Variants in RIMBP2 observed in about 807,000 individuals in gnomAD.
RIMBP2 encodes RIMS binding protein 2, also known as RIMS-binding protein 2.
In RIMBP2, 48 loss-of-function variants were observed where a neutral mutation model predicts 118.6. The observed-to-expected ratio is 0.40, with a 90% CI of 0.32 to 0.51. The LOEUF is 0.51. Ranked by LOEUF, RIMBP2 falls within the 20% of genes least tolerant of loss-of-function variation. RIMBP2 has a pLI of 0.41. For missense variants in RIMBP2, 1,551 were observed against 1,768.3 expected (o/e 0.88, Z 2.20); for synonymous variants, 762 against 742.9 (o/e 1.03, Z -0.42).
chr12:130,403,700 CTTAGT>C (rs2074877015), intron 21 of RIMBP2, among the ~76,000 whole-genome samples: 2 of 152,036 alleles, frequency 1.3e-5, no homozygotes, highest in Non-Finnish European at 2.9e-5. Context: ...TTGAAATTTT[CTTAGT>C]TTATTTGGTA....
At chr12:130,639,371 A>G (rs1326228762) in intron 1 of RIMBP2, among the ~76,000 whole-genome samples, 1 of 127,188 alleles carries the variant, frequency 7.9e-6, no homozygotes, top group Non-Finnish European at 1.7e-5. Context: ...CCTGGGCAAT[A>G]AAACTCCATC....
intron 1 of RIMBP2, among the ~76,000 whole-genome samples, chr12:130,631,089 C>T (rs890154592): frequency 1.3e-5 from 2 of 152,084 alleles, no homozygotes; most frequent in Non-Finnish European, 2.9e-5. Context: ...AACAAGATTA[C>T]AAAGAGCTTT....
chr12:130,504,907 G>C (rs1421707363), intron 4 of RIMBP2, among the ~76,000 whole-genome samples: 61 of 152,336 alleles, frequency 4.0e-4, no homozygotes, highest in Admixed American at 4.0e-3. Context: ...ATATCCCCTG[G>C]AGGGCAAGTT....
At chr12:130,588,504 C>G (rs2059059344) in intron 2 of RIMBP2, among the ~76,000 whole-genome samples, 1 of 152,120 alleles carries the variant, frequency 6.6e-6, no homozygotes, top group African/African-American at 2.4e-5. Flanking sequence ...CCACCTTGTC[C>G]CGGTCACTGC....
intron 1 of RIMBP2, among the ~76,000 whole-genome samples, chr12:130,686,770 G>A (rs1395780283): frequency 1.3e-5 from 2 of 152,212 alleles, no homozygotes; most frequent in Admixed American, 1.3e-4. Flanking sequence ...CGGGGGCCTG[G>A]GGCACCAGAT....
In RIMBP2 at chr12:130,617,784, G is replaced by A. The variant is rs2061039870; in HGVS notation, c.-217+10538C>T. On this transcript the variant is annotated intron_variant, in intron 2 of 22. Coordinates refer to ENST00000690449, the MANE Select transcript of RIMBP2 (RefSeq NM_001393629.1). The surrounding 1 kb of genome is among the most constrained non-coding windows in gnomAD (Gnocchi z 4.6). ...AAATTAGATTATTCTGGTAGAACAGGAATCACTCCGTTGTCTGGGCTACTT... is the reference window on the plus strand; with the variant it reads ...AAATTAGATTATTCTGGTAGAACAGAAATCACTCCGTTGTCTGGGCTACTT... Among the ~76,000 whole-genome samples, 1 of 152,180 alleles carries A rather than the reference G, an allele frequency of 6.6e-6. No individual in the cohort carries two copies. Among genetic ancestry groups the A allele is most frequent in the Non-Finnish European group, 1.5e-5 (1 of 68,022 alleles).
Position 130,683,285 on chromosome 12 carries a change from G to A in RIMBP2, c.-352+32937C>T, listed in dbSNP as rs2064884800. On this transcript the variant is annotated intron_variant, in intron 1 of 22. Coordinates refer to ENST00000690449, the MANE Select transcript of RIMBP2 (RefSeq NM_001393629.1). The surrounding 1 kb of genome is among the most constrained non-coding windows in gnomAD (Gnocchi z 4.4). Reference sequence around the variant, plus strand: ...TGGCCACAAGCCCAAGGATGCCAAGGACAGCCGGGGAACGCAGGGAGCCAG... The same window carrying A: ...TGGCCACAAGCCCAAGGATGCCAAGAACAGCCGGGGAACGCAGGGAGCCAG... 6.6e-6 allele frequency among the ~76,000 whole-genome samples: 1 copy of A among 152,200 alleles called. No individual in the cohort carries two copies. Among genetic ancestry groups the A allele is most frequent in the Admixed American group, 6.5e-5 (1 of 15,294 alleles).
At chr12:130,616,778 T>C (rs1346327652) in intron 2 of RIMBP2, among the ~76,000 whole-genome samples, 3 of 152,218 alleles carry the variant, frequency 2.0e-5, no homozygotes, top group African/African-American at 7.2e-5. Context: ...GAGCTCCTTC[T>C]ACATCGCCAT....
chr12:130,687,783 G>A (rs1335866942), intron 1 of RIMBP2, among the ~76,000 whole-genome samples: 1 of 152,148 alleles, frequency 6.6e-6, no homozygotes, highest in Non-Finnish European at 1.5e-5. Context: ...CTTTTACTAA[G>A]AAAGTATAAT....
chr12:130,551,378 G>A (rs758573138), intron 2 of RIMBP2, among the ~76,000 whole-genome samples: 19 of 152,140 alleles, frequency 1.2e-4, no homozygotes, highest in Non-Finnish European at 1.3e-4. Flanking sequence ...TTTGATTTGT[G>A]AGATATTTCT....
At position 130,622,193 on chromosome 12, in the gene RIMBP2, G is replaced by A. The variant is rs1286684263; in HGVS notation, c.-217+6129C>T. 1.3e-5 allele frequency among the ~76,000 whole-genome samples: 2 copies of A among 152,172 alleles called. No individual in the cohort carries two copies. The highest frequency in any genetic ancestry group is 4.8e-5 in the African/African-American group (2 of 41,444). ...TTGCAGGCCTGTTTGTTTCAGGTTG[G>A]ATCCTGGGTAACAGGCAGGGCCTGT... On this transcript the variant is annotated intron_variant, in intron 2 of 22. Coordinates refer to ENST00000690449, the MANE Select transcript of RIMBP2 (RefSeq NM_001393629.1). The surrounding 1 kb of genome is among the most constrained non-coding windows in gnomAD (Gnocchi z 8.5).
rs371065991 is a variant in RIMBP2 at position 130,646,274 on chromosome 12, A to T, written c.-351-17818T>A. On this transcript the variant is annotated intron_variant, in intron 1 of 22. Coordinates refer to ENST00000690449, the MANE Select transcript of RIMBP2 (RefSeq NM_001393629.1). ...CACCACTTCCCTCTCCACCTGCCTC[A>T]CCACCTCCCTCACCACCTGCCTCTC... Among the ~76,000 whole-genome samples the T allele has an allele frequency of 4.3e-3, 120 of 27,692 alleles. 16 individuals carry two copies. The highest frequency in any genetic ancestry group is 5.4e-3 in the Admixed American group (14 of 2,604). 18.2% of individuals were successfully genotyped at this position (27,692 alleles called of 152,430 possible). A position where few individuals can be genotyped will look rare whatever the true frequency, so the allele number is the denominator to read the frequency against.
At chr12:130,558,993 T>G (rs1371720969) in intron 2 of RIMBP2, among the ~76,000 whole-genome samples, 1 of 152,220 alleles carries the variant, frequency 6.6e-6, no homozygotes, top group Non-Finnish European at 1.5e-5. Flanking sequence ...AATCTCAACT[T>G]CTGATGATTT....
At chr12:130,516,672 C>A (rs1260306849) in intron 3 of RIMBP2, among the ~76,000 whole-genome samples, 1 of 152,148 alleles carries the variant, frequency 6.6e-6, no homozygotes. Flanking sequence ...TAAGCAGAGA[C>A]AACCATCAAA....
intron 1 of RIMBP2, among the ~76,000 whole-genome samples, chr12:130,644,758 C>T (rs899359320): frequency 5.9e-5 from 9 of 152,318 alleles, no homozygotes; most frequent in South Asian, 2.1e-4. Flanking sequence ...ACAACCACTG[C>T]GTTACTTAGG....
intron 11 of RIMBP2, among the ~76,000 whole-genome samples, chr12:130,441,316 G>A (rs1045510645): frequency 6.6e-6 from 1 of 151,498 alleles, no homozygotes; most frequent in Admixed American, 6.6e-5. Flanking sequence ...CAGGAGAATC[G>A]CTTGAAATTG....
intron 4 of RIMBP2, among the ~76,000 whole-genome samples, chr12:130,506,385 G>A (rs995990476): frequency 6.6e-6 from 1 of 152,190 alleles, no homozygotes; most frequent in African/African-American, 2.4e-5. Flanking sequence ...GCCTGCCACT[G>A]CACAGCTCAG....
At position 130,469,700 on chromosome 12, in the gene RIMBP2, T is replaced by G. The variant is rs1261625754; in HGVS notation, c.153+993A>C. On this transcript the variant is annotated intron_variant, in intron 6 of 22. Transcript: ENST00000690449. The surrounding 1 kb of genome is among the most constrained non-coding windows in gnomAD (Gnocchi z 4.8). ...AGACTTTAAAAGGCAACGTAAGAGA[T>G]GCACATAGCCCGTTTTAAGTGGCTG... Among the ~76,000 whole-genome samples, 1 of 152,192 alleles carries G rather than the reference T, an allele frequency of 6.6e-6. No homozygotes were observed. Among genetic ancestry groups the G allele is most frequent in the Non-Finnish European group, 1.5e-5 (1 of 68,028 alleles).
At chr12:130,550,311 A>C (rs1383584762) in intron 2 of RIMBP2, among the ~76,000 whole-genome samples, 6 of 152,238 alleles carry the variant, frequency 3.9e-5, no homozygotes, top group Non-Finnish European at 8.8e-5. Flanking sequence ...TAAGAGATAC[A>C]CATAGAGAAA....
Sources: allele counts gnomAD v4.1 joint callset (sites outside exome capture counted in the v4.1 genomes callset), GRCh38; gene constraint gnomAD v4.1.1; non-coding constraint Gnocchi (gnomAD v3.1); transcripts MANE v1.5; gene names NCBI Gene and HGNC (gene_info 2026-07-23, HGNC 2026-07-21).